EPB41L4A: variants seen among roughly 807,000 people sequenced by gnomAD.
EPB41L4A encodes band 4.1-like protein 4A.
A neutral mutation model predicts 108.6 loss-of-function variants in EPB41L4A; 100 were observed. The ratio of observed to expected loss-of-function variants is 0.92; its 90% CI spans 0.78 to 1.09. The LOEUF is 1.09. EPB41L4A is among the 50% of genes least tolerant of loss of function. EPB41L4A has a pLI of 0.00. For missense variants in EPB41L4A, 1,030 were observed against 842.7 expected, an observed-to-expected ratio of 1.22 and a Z score of -2.75; for synonymous variants, 319 against 289.0, an observed-to-expected ratio of 1.10 and a Z score of -1.05.
intron 1 of EPB41L4A, among the ~76,000 whole-genome samples, chr5:112,359,129 A>G (rs7711922): frequency 0.18 from 27,297 of 152,166 alleles, 2,597 homozygotes; most frequent in East Asian, 0.33. Context: ...CTATATCTAT[A>G]TGTAAAAACT....
At chr5:112,269,225 C>G (rs900931477) in intron 4 of EPB41L4A, among the ~76,000 whole-genome samples, 3 of 151,938 alleles carry the variant, frequency 2.0e-5, no homozygotes, top group Non-Finnish European at 4.4e-5. Flanking sequence ...CCTGGATAGC[C>G]TGCCTTTTAA....
chr5:112,190,018 G>T (rs1309317584), intron 17 of EPB41L4A, among the ~76,000 whole-genome samples: 1 of 152,094 alleles, frequency 6.6e-6, no homozygotes, highest in East Asian at 1.9e-4. Context: ...CAAACCTACA[G>T]CAATAAGCGA....
At chr5:112,309,029 G>C (rs1024079096) in intron 1 of EPB41L4A, among the ~76,000 whole-genome samples, 4 of 152,120 alleles carry the variant, frequency 2.6e-5, no homozygotes, top group Admixed American at 6.5e-5. Context: ...CAAAGTTTAT[G>C]AGCAAATTCT....
intron 2 of EPB41L4A, among the ~76,000 whole-genome samples, chr5:112,285,127 G>T (rs1219161056): frequency 6.6e-6 from 1 of 152,168 alleles, no homozygotes; most frequent in African/African-American, 2.4e-5. Flanking sequence ...ATGAGAGTTT[G>T]CTGCATCTTA....
At chr5:112,202,716 C>G (rs1444733583) in intron 15 of EPB41L4A, among the ~76,000 whole-genome samples, 3 of 152,030 alleles carry the variant, frequency 2.0e-5, no homozygotes, top group Non-Finnish European at 4.4e-5. Flanking sequence ...TGAAGTTGAA[C>G]TTGGTTTCAG....
intron 2 of EPB41L4A, among the ~76,000 whole-genome samples, chr5:112,296,732 T>C (rs974527288): frequency 6.6e-6 from 1 of 152,096 alleles, no homozygotes; most frequent in African/African-American, 2.4e-5. Context: ...TGAAGCCAAT[T>C]TGTAGTCTTT....
intron 9 of EPB41L4A, chr5:112,256,817 C>A (rs942849758): frequency 6.6e-6 from 1 of 151,990 alleles, no homozygotes; most frequent in Non-Finnish European, 1.5e-5. Flanking sequence ...TATTCATGAC[C>A]TCTGAGTTTT....
chr5:112,367,108 A>G (rs567401444), intron 1 of EPB41L4A, among the ~76,000 whole-genome samples: 1 of 152,278 alleles, frequency 6.6e-6, no homozygotes, highest in African/African-American at 2.4e-5. Flanking sequence ...AAAGACAGGG[A>G]CAATCAATAC....
At chr5:112,147,468 C>T (rs139697467) in intron 12 of EPB41L4A, among the ~76,000 whole-genome samples, 7,907 of 151,328 alleles carry the variant, frequency 0.052, 665 homozygotes, top group African/African-American at 0.18. Flanking sequence ...AGTGAAACCC[C>T]TTCTCTACTA....
chr5:112,299,550 C>A (rs1754221187), intron 2 of EPB41L4A, among the ~76,000 whole-genome samples: 1 of 152,102 alleles, frequency 6.6e-6, no homozygotes, highest in Admixed American at 6.5e-5. Context: ...CGTGGTGGCT[C>A]CCGCCTGTAA....
rs143747857 is a variant in EPB41L4A, at chr5:112,179,786, T to C, written c.1622+4230A>G. On this transcript the variant is annotated intron_variant, in intron 18 of 22. Coordinates refer to ENST00000261486, the MANE Select transcript of EPB41L4A (RefSeq NM_022140.5). ...GCTTTCTTACCACTTGTATTCAACATTGTAACTCAACACTGTACTACATGA... is the reference window on the plus strand; with the variant it reads ...GCTTTCTTACCACTTGTATTCAACACTGTAACTCAACACTGTACTACATGA... Among the ~76,000 whole-genome samples the C allele has an allele frequency of 2.4e-4, 36 of 152,250 alleles. No individual in the cohort carries two copies. In the East Asian group the frequency reaches 6.4e-3, roughly 27 times the overall value.
At position 112,205,348 on chromosome 5, in the gene EPB41L4A, C is replaced by G. The variant is rs548372975; in HGVS notation, c.1262+73G>C. On this transcript the variant is annotated intron_variant, in intron 14 of 22. Transcript: ENST00000261486. ...TGATCAGCCACCCAGCAGCTGGATT[C>G]CTTTATTCAATGAGCTGCATGTACT... The G allele has an allele frequency of 1.5e-4, 192 of 1,268,484 alleles. No individual in the cohort carries two copies. The African/African-American group carries it at 2.6e-3, about 17-fold the overall frequency. The allele number at this position is 1,268,484 out of a possible 1,614,324, so 78.6% of individuals were successfully genotyped here.
chr5:112,193,095 G>A (rs1761785505), intron 17 of EPB41L4A, among the ~76,000 whole-genome samples: 1 of 152,150 alleles, frequency 6.6e-6, no homozygotes, highest in South Asian at 2.1e-4. Context: ...CATCTGTCTA[G>A]TGTAATTCCA....
intron 1 of EPB41L4A, among the ~76,000 whole-genome samples, chr5:112,378,729 C>G (rs1471973550): frequency 6.6e-6 from 1 of 152,166 alleles, no homozygotes; most frequent in African/African-American, 2.4e-5. Flanking sequence ...TCTTCTAGTT[C>G]AAGTACATTT....
Position 112,194,557 on chromosome 5 carries a change from T to G in EPB41L4A, c.1502+11A>C. On this transcript the variant is annotated intron_variant, in intron 17 of 22. Transcript: ENST00000261486. Reference sequence around the variant, plus strand: ...TCAGAGTGCCAGTTAATTATAATATTGAGATATTACCTGTTTCTCTTTTTC... The same window carrying G: ...TCAGAGTGCCAGTTAATTATAATATGGAGATATTACCTGTTTCTCTTTTTC... 3.0e-4 allele frequency: 433 copies of G among 1,448,898 alleles called. No homozygotes were observed. Among genetic ancestry groups the G allele is most frequent in the Non-Finnish European group, 3.7e-4 (389 of 1,042,842 alleles). 89.8% of individuals were successfully genotyped at this position (1,448,898 alleles called of 1,614,324 possible).
intron 2 of EPB41L4A, among the ~76,000 whole-genome samples, chr5:112,281,579 G>A (rs942432517): frequency 2.6e-5 from 4 of 152,138 alleles, no homozygotes; most frequent in Non-Finnish European, 5.9e-5. Context: ...CCATTTCCTC[G>A]TGCTCCTTAA....
chr5:112,281,296 C>T lies in EPB41L4A; in HGVS notation c.205-973G>A, dbSNP rs1175327342. On this transcript the variant is annotated intron_variant, in intron 2 of 22. Transcript: ENST00000261486. ...AATTTCAAGTGGTGGCAGGAGAATT[C>T]GGGGTCCTGGGGAGAGGCCTTCCTT... Among the ~76,000 whole-genome samples, 9 of 152,146 alleles carry T rather than the reference C, an allele frequency of 5.9e-5. No individual in the cohort carries two copies. In the East Asian group the frequency reaches 7.7e-4, roughly 13 times the overall value.
intron 1 of EPB41L4A, among the ~76,000 whole-genome samples, chr5:112,327,628 A>G (rs1013903565): frequency 1.3e-5 from 2 of 152,154 alleles, no homozygotes; most frequent in African/African-American, 4.8e-5. Flanking sequence ...GGTTGGGAAG[A>G]TAATTTGAAA....
At chr5:112,371,812 C>A (rs767345309) in intron 1 of EPB41L4A, among the ~76,000 whole-genome samples, 25 of 152,028 alleles carry the variant, frequency 1.6e-4, no homozygotes, top group Non-Finnish European at 3.4e-4. Flanking sequence ...CAAAATTGAA[C>A]AAAAGAACTC....
Sources: gnomAD v4.1 joint callset for allele counts (sites outside exome capture counted in the v4.1 genomes callset) on GRCh38, gnomAD v4.1.1 for gene constraint, MANE v1.5 for transcripts, NCBI Gene and HGNC (gene_info 2026-07-23, HGNC 2026-07-21) for gene names.